MYO1D: variants seen among roughly 807,000 people sequenced by gnomAD.
The protein encoded by MYO1D is myosin ID.
In MYO1D, 83 loss-of-function variants were observed where a neutral mutation model predicts 122.0. The observed-to-expected ratio is 0.68, with a 90% CI of 0.57 to 0.82. MYO1D has a LOEUF of 0.82. Among genes scored for constraint, MYO1D ranks in the 40% least tolerant of loss-of-function variants. The pLI, the probability that MYO1D is intolerant of heterozygous loss-of-function variation, is 0.00. For missense variants in MYO1D, 1,157 were observed against 1,269.5 expected (o/e 0.91, Z 1.35); for synonymous variants, 464 against 446.9 (o/e 1.04, Z -0.48).
At chr17:32,519,226 C>A (rs1384731992) in intron 21 of MYO1D, 1 of 152,454 alleles carries the variant, frequency 6.6e-6, no homozygotes, top group East Asian at 1.9e-4. Context: ...CTGTGCGGCG[C>A]TTCAGCCCGG....
At chr17:32,809,273 C>T (rs1331309220) in intron 1 of MYO1D, among the ~76,000 whole-genome samples, 1 of 151,768 alleles carries the variant, frequency 6.6e-6, no homozygotes, top group Non-Finnish European at 1.5e-5. Context: ...CATGTGTCAC[C>T]ACACCCAACT....
intron 1 of MYO1D, among the ~76,000 whole-genome samples, chr17:32,863,635 GA>G (rs1329816714): frequency 6.6e-6 from 1 of 152,194 alleles, no homozygotes; most frequent in Non-Finnish European, 1.5e-5. Context: ...CCAAGGACAT[GA>G]AAACAACTTT....
chr17:32,766,090 G>C (rs183118614), intron 7 of MYO1D, among the ~76,000 whole-genome samples: 3 of 152,022 alleles, frequency 2.0e-5, no homozygotes, highest in African/African-American at 7.2e-5. Context: ...TTGCCATGTT[G>C]CCCAGGCTGG....
intron 1 of MYO1D, among the ~76,000 whole-genome samples, chr17:32,800,591 T>C (rs2090452528): frequency 6.6e-6 from 1 of 152,158 alleles, no homozygotes; most frequent in Non-Finnish European, 1.5e-5. Context: ...GGTCAACATG[T>C]ACGAAGTTTC....
intron 15 of MYO1D, among the ~76,000 whole-genome samples, chr17:32,719,351 C>CT (rs371411083): frequency 0.39 from 53,192 of 137,088 alleles, 10,579 homozygotes; most frequent in East Asian, 0.5. Context: ...TCTCCTTGCC[C>CT]TTTTTTTTTT....
intron 1 of MYO1D, among the ~76,000 whole-genome samples, chr17:32,818,226 T>G (rs1203987941): frequency 6.6e-6 from 1 of 151,892 alleles, no homozygotes; most frequent in Non-Finnish European, 1.5e-5. Flanking sequence ...GCCAGTGCTT[T>G]TAACCACACC....
intron 21 of MYO1D, among the ~76,000 whole-genome samples, chr17:32,541,196 GACAA>G (rs1232153835): frequency 6.6e-6 from 1 of 152,188 alleles, no homozygotes; most frequent in Non-Finnish European, 1.5e-5. Context: ...TTTATCCACT[GACAA>G]ACAGGTGAAT....
chr17:32,716,428 T>C (rs1356273965), intron 15 of MYO1D, among the ~76,000 whole-genome samples: 2 of 152,172 alleles, frequency 1.3e-5, no homozygotes, highest in Non-Finnish European at 2.9e-5. Flanking sequence ...AGGGACTTTG[T>C]TTTGTTCCCC....
rs561240484 is a variant in MYO1D, at chr17:32,763,658, G to C, written c.1035+1220C>G. On this transcript the variant is annotated intron_variant, in intron 8 of 21. Coordinates refer to ENST00000318217, the MANE Select transcript of MYO1D (RefSeq NM_015194.3). ...ATATATGGCAGGTGCGGTGGCTCAC[G>C]CCTGTAATCCCAGCACTTTGGGAGG... Among the ~76,000 whole-genome samples the C allele has an allele frequency of 1.9e-4, 29 of 152,234 alleles. No homozygotes were observed. In the East Asian group the frequency reaches 5.6e-3, roughly 29 times the overall value.
chr17:32,524,607 AGGCTGGAGTGCAGTGGCATGATCTC>A lies in MYO1D; in HGVS notation c.2865-29717_2865-29693del, dbSNP rs1410991983. Reference sequence around the variant, plus strand: ...TTGAGACAGTCTCGCTCTTTTGCTCAGGCTGGAGTGCAGTGGCATGATCTCGGCTCACTGCAACCTCCGCCTCTGG... The same window carrying A: ...TTGAGACAGTCTCGCTCTTTTGCTCAGGCTCACTGCAACCTCCGCCTCTGG... On this transcript the variant is annotated intron_variant, in intron 21 of 21. Transcript: ENST00000318217. 7.2e-5 allele frequency among the ~76,000 whole-genome samples: 10 copies of A among 139,376 alleles called. No individual in the cohort carries two copies. The East Asian group carries it at 2.0e-3, about 29-fold the overall frequency. 91.4% of individuals were successfully genotyped at this position (139,376 alleles called of 152,430 possible).
At position 32,544,563 on chromosome 17, in the gene MYO1D, G is replaced by A. The variant is rs1229193084; in HGVS notation, c.2865-49648C>T. The stretch of plus-strand genomic sequence containing the variant: ...CTGTTGCTGACCACGTCTTATGAAG[G>A]TACTCTTAGAGAATACTAGCAATCT... On this transcript the variant is annotated intron_variant, in intron 21 of 21. Coordinates refer to ENST00000318217, the MANE Select transcript of MYO1D (RefSeq NM_015194.3). Among the ~76,000 whole-genome samples, 6 of 152,186 alleles carry A rather than the reference G, an allele frequency of 3.9e-5. No homozygotes were observed. In the East Asian group the frequency reaches 1.2e-3, roughly 29 times the overall value.
At chr17:32,746,726 G>T (rs995520298) in intron 12 of MYO1D, among the ~76,000 whole-genome samples, 1 of 152,090 alleles carries the variant, frequency 6.6e-6, no homozygotes, top group Admixed American at 6.5e-5. Flanking sequence ...ATCCAGAAAA[G>T]GATTGAAGAG....
At chr17:32,617,858 A>G (rs964789557) in intron 20 of MYO1D, among the ~76,000 whole-genome samples, 2 of 152,266 alleles carry the variant, frequency 1.3e-5, no homozygotes, top group African/African-American at 4.8e-5. Flanking sequence ...TAATTCCTTT[A>G]TAAACAGACA....
At chr17:32,584,340 G>C (rs2087367523) in intron 21 of MYO1D, among the ~76,000 whole-genome samples, 1 of 152,116 alleles carries the variant, frequency 6.6e-6, no homozygotes, top group South Asian at 2.1e-4. Context: ...TAAAATGTCT[G>C]ATATGTGACT....
chr17:32,574,685 T>G (rs533682455), intron 21 of MYO1D, among the ~76,000 whole-genome samples: 3 of 152,210 alleles, frequency 2.0e-5, no homozygotes, highest in Non-Finnish European at 4.4e-5. Flanking sequence ...CACTTCTGAG[T>G]GTGGGCTCAC....
intron 21 of MYO1D, among the ~76,000 whole-genome samples, chr17:32,604,464 C>G (rs1477539647): frequency 1.3e-5 from 2 of 152,194 alleles, no homozygotes; most frequent in African/African-American, 2.4e-5. Flanking sequence ...AATAACCAGA[C>G]AAAATCACTC....
chr17:32,568,186 C>A (rs867629612), intron 21 of MYO1D, among the ~76,000 whole-genome samples: 674 of 124,006 alleles, frequency 5.4e-3, no homozygotes, highest in Middle Eastern at 8.3e-3. Flanking sequence ...TGCGTTATTA[C>A]AAAAAAAAAA....
chr17:32,832,073 C>T (rs760073956), intron 1 of MYO1D, among the ~76,000 whole-genome samples: 4 of 151,810 alleles, frequency 2.6e-5, no homozygotes, highest in African/African-American at 4.8e-5. Context: ...GGCCACGAAG[C>T]GATACATTGT....
chr17:32,826,347 A>G (rs1598133281), intron 1 of MYO1D, among the ~76,000 whole-genome samples: 1 of 151,634 alleles, frequency 6.6e-6, no homozygotes, highest in East Asian at 1.9e-4. Flanking sequence ...GAAGTCAACA[A>G]AAGTTTGTTG....
Sources: allele counts gnomAD v4.1 joint callset (sites outside exome capture counted in the v4.1 genomes callset), GRCh38; gene constraint gnomAD v4.1.1; transcripts MANE v1.5; gene names NCBI Gene and HGNC (gene_info 2026-07-23, HGNC 2026-07-21).